PPP2R2A: variants seen among roughly 807,000 people sequenced by gnomAD.
PPP2R2A encodes protein phosphatase 2 regulatory subunit Balpha, also known as serine/threonine-protein phosphatase 2A 55 kDa regulatory subunit B alpha isoform.
Under a neutral mutation model 53.2 loss-of-function variants are expected in PPP2R2A, and 9 were observed. The observed-to-expected ratio is 0.17, with a 90% CI of 0.10 to 0.30. The LOEUF (loss-of-function observed/expected upper bound fraction) is 0.30, where lower values mean the gene tolerates loss of function less well. Ranked by LOEUF, PPP2R2A falls within the 10% of genes least tolerant of loss-of-function variation. PPP2R2A has a pLI of 1.00. For synonymous variants in PPP2R2A, 169 were observed against 174.2 expected, an observed-to-expected ratio of 0.97 and a Z score of 0.23; for missense variants, 235 against 534.6, an observed-to-expected ratio of 0.44 and a Z score of 5.53.
rs1312633466 is a variant in PPP2R2A at position 26,321,888 on chromosome 8, A to G, written c.83-17002A>G. On this transcript the variant is annotated intron_variant, in intron 2 of 9. Coordinates refer to ENST00000380737, the MANE Select transcript of PPP2R2A (RefSeq NM_002717.4). This position sits in a 1 kb window ranked among gnomAD's most constrained non-coding sequence, Gnocchi z 4.1. ...ACTTATATAGGAAGTAACAATGTCA[A>G]CATTTCCCCTCCTCGGTCTAAGATT... Among the ~76,000 whole-genome samples the G allele has an allele frequency of 6.6e-6, 1 of 152,250 alleles. No homozygotes were observed. Among genetic ancestry groups the G allele is most frequent in the Non-Finnish European group, 1.5e-5 (1 of 68,046 alleles).
chr8:26,318,565 A>G (rs376393973), intron 2 of PPP2R2A, among the ~76,000 whole-genome samples: 48 of 152,324 alleles, frequency 3.2e-4, no homozygotes, highest in African/African-American at 9.9e-4. Flanking sequence ...TCTTCTGCCT[A>G]CTTTTGTATA....
rs1236316152 is a variant in PPP2R2A, at chr8:26,338,805, GTT to G, written c.83-83_83-82del. 1.1e-6 allele frequency: 1 copy of G among 874,214 alleles called. No homozygotes were observed. The highest frequency in any genetic ancestry group is 1.7e-5 in the African/African-American group (1 of 59,186). The allele number at this position is 874,214 out of a possible 1,614,324, so 54.2% of individuals were successfully genotyped here. A position where few individuals can be genotyped will look rare whatever the true frequency, so the allele number is the denominator to read the frequency against. Reference sequence around the variant, plus strand: ...AAGATATACTTCATAGACTTGGAATGTTTGGGAAAACACGCTAAGTTCTGAAA... The same window carrying G: ...AAGATATACTTCATAGACTTGGAATGTGGGAAAACACGCTAAGTTCTGAAA... On this transcript the variant is annotated intron_variant, in intron 2 of 9. Coordinates refer to ENST00000380737, the MANE Select transcript of PPP2R2A (RefSeq NM_002717.4). The surrounding 1 kb of genome is among the most constrained non-coding windows in gnomAD (Gnocchi z 4.5).
intron 2 of PPP2R2A, among the ~76,000 whole-genome samples, chr8:26,335,054 A>G (rs1803585358): frequency 1.3e-5 from 2 of 152,294 alleles, no homozygotes; most frequent in South Asian, 4.1e-4. Flanking sequence ...GCTTACAACT[A>G]GGGCTTACCG....
At chr8:26,367,055 TTAA>T (rs1365972556) in intron 9 of PPP2R2A, among the ~76,000 whole-genome samples, 1 of 152,208 alleles carries the variant, frequency 6.6e-6, no homozygotes, top group Non-Finnish European at 1.5e-5. Flanking sequence ...AATTTTGGAA[TTAA>T]ACTGACATTT....
chr8:26,333,990 T>C (rs1262981173), intron 2 of PPP2R2A, among the ~76,000 whole-genome samples: 1 of 149,914 alleles, frequency 6.7e-6, no homozygotes, highest in African/African-American at 2.5e-5. Context: ...ATAGATAAAA[T>C]TTAAGAACAT....
At position 26,360,710 on chromosome 8, in the gene PPP2R2A, A is replaced by T; in HGVS notation, c.460-264A>T. 1 of 411,250 alleles carries T rather than the reference A, an allele frequency of 2.4e-6. No homozygotes were observed. Among genetic ancestry groups the T allele is most frequent in the Non-Finnish European group, 4.3e-6 (1 of 235,162 alleles). 25.5% of individuals were successfully genotyped at this position (411,250 alleles called of 1,614,324 possible). A position where few individuals can be genotyped will look rare whatever the true frequency, so the allele number is the denominator to read the frequency against. On this transcript the variant is annotated intron_variant, in intron 5 of 9. Transcript: ENST00000380737. The surrounding 1 kb of genome is among the most constrained non-coding windows in gnomAD (Gnocchi z 4.5). ...AACCATAAACATTTATTAGCTTGGC[A>T]TGTCTTTCAAGCAAAATATTGAAAC...
intron 2 of PPP2R2A, among the ~76,000 whole-genome samples, chr8:26,336,611 G>C (rs1025396040): frequency 1.3e-5 from 2 of 152,122 alleles, no homozygotes; most frequent in African/African-American, 4.8e-5. Flanking sequence ...GGGTATGGTA[G>C]CGCTTGCAAA....
At chr8:26,308,716 G>A (rs1016912144) in intron 2 of PPP2R2A, among the ~76,000 whole-genome samples, 1 of 152,094 alleles carries the variant, frequency 6.6e-6, no homozygotes, top group Non-Finnish European at 1.5e-5. Context: ...TCTTGTCAAT[G>A]TTGATATTTT....
chr8:26,300,754 G>A (rs1332605035), intron 2 of PPP2R2A, among the ~76,000 whole-genome samples: 2 of 152,196 alleles, frequency 1.3e-5, no homozygotes, highest in Admixed American at 6.5e-5. Context: ...CTCAGGCTGA[G>A]GCAGAAGAAT....
rs951293682 is a variant in PPP2R2A, at chr8:26,360,704, C to T, written c.460-270C>T. The T allele has an allele frequency of 2.5e-5, 10 of 398,588 alleles. No homozygotes were observed. The highest frequency in any genetic ancestry group is 8.9e-5 in the Admixed American group (2 of 22,452). The allele number at this position is 398,588 out of a possible 1,614,324, so 24.7% of individuals were successfully genotyped here. A position where few individuals can be genotyped will look rare whatever the true frequency, so the allele number is the denominator to read the frequency against. On this transcript the variant is annotated intron_variant, in intron 5 of 9. Transcript: ENST00000380737. This position sits in a 1 kb window ranked among gnomAD's most constrained non-coding sequence, Gnocchi z 4.5. ...AATCTGAACCATAAACATTTATTAG[C>T]TTGGCATGTCTTTCAAGCAAAATAT...
At chr8:26,364,278 A>G (rs1165885011) in intron 8 of PPP2R2A, among the ~76,000 whole-genome samples, 2 of 152,140 alleles carry the variant, frequency 1.3e-5, no homozygotes, top group Non-Finnish European at 2.9e-5. Flanking sequence ...GAGTAGTTGA[A>G]CTAGAGATTA....
rs752665490 is a variant in PPP2R2A, at chr8:26,360,213, C to G, written c.391C>G (p.Pro131Ala). 6.2e-6 allele frequency: 10 copies of G among 1,609,666 alleles called. No homozygotes were observed. The highest frequency in any genetic ancestry group is 8.5e-6 in the Non-Finnish European group (10 of 1,177,044). ...GAAAATCAGTGAAAGGGACAAAAGACCAGAAGGGTATAACTTGAAAGAGGA... is the reference window on the plus strand; with the variant it reads ...GAAAATCAGTGAAAGGGACAAAAGAGCAGAAGGGTATAACTTGAAAGAGGA... ...LWKISERDKR[P>A]EGYNLKEEDG... is the part of the protein sequence containing the mutation. The change falls in exon 5 of 10, where the codon CCA (proline) becomes GCA (alanine). Residue 131 changes from proline (P) to alanine (A), a missense_variant. Transcript: ENST00000380737. The surrounding 1 kb of genome is among the most constrained non-coding windows in gnomAD (Gnocchi z 4.5).
intron 2 of PPP2R2A, among the ~76,000 whole-genome samples, chr8:26,327,270 G>A (rs895399789): frequency 6.6e-6 from 1 of 152,186 alleles, no homozygotes; most frequent in African/African-American, 2.4e-5. Context: ...TCACATCAGC[G>A]AGAGGGAACA....
At chr8:26,355,609 A>C (rs1046397347) in intron 4 of PPP2R2A, among the ~76,000 whole-genome samples, 3 of 152,098 alleles carry the variant, frequency 2.0e-5, no homozygotes, top group African/African-American at 7.2e-5. Flanking sequence ...TCACGCCTGT[A>C]ATCCCAGCAC....
In PPP2R2A at chr8:26,304,271, G is replaced by GT. The variant is rs1319969919; in HGVS notation, c.82+10533dup. On this transcript the variant is annotated intron_variant, in intron 2 of 9. Transcript: ENST00000380737. The stretch of plus-strand genomic sequence containing the variant: ...ATACCAGACTTGACAGATTTAGTGT[G>GT]TTCCCATCTTTTTTTTTTTTCCTTT... Among the ~76,000 whole-genome samples the GT allele has an allele frequency of 6.2e-5, 9 of 144,542 alleles. 2 individuals are homozygous for GT. The highest frequency in any genetic ancestry group is 5.6e-4 in the Admixed American group (8 of 14,212). The allele number at this position is 144,542 out of a possible 152,430, so 94.8% of individuals were successfully genotyped here.
At chr8:26,307,378 G>T (rs1802068712) in intron 2 of PPP2R2A, among the ~76,000 whole-genome samples, 1 of 152,088 alleles carries the variant, frequency 6.6e-6, no homozygotes, top group African/African-American at 2.4e-5. Context: ...TAAAGTGATC[G>T]GTTCATTTTG....
At chr8:26,366,254 A>G in intron 8 of PPP2R2A, 61 bp from the exon 9 acceptor site, 1 of 1,353,600 alleles carries the variant, frequency 7.4e-7, no homozygotes, top group Non-Finnish European at 1.0e-6. Flanking sequence ...CTTTTTAAAG[A>G]TATGGACTTG....
rs553351597 is a variant in PPP2R2A, at chr8:26,326,250, C to G, written c.83-12640C>G. Among the ~76,000 whole-genome samples, 3 of 152,310 alleles carry G rather than the reference C, an allele frequency of 2.0e-5. No homozygotes were observed. The East Asian group carries it at 5.8e-4, about 29-fold the overall frequency. On this transcript the variant is annotated intron_variant, in intron 2 of 9. Transcript: ENST00000380737. ...CTGTGGAGTAACTCCAGGTTGGTCT[C>G]CAGTTTTCCCTTTGCTTAGGTTCCT...
At position 26,354,713 on chromosome 8, in the gene PPP2R2A, T is replaced by G. The variant is rs1416381992; in HGVS notation, c.346+80T>G. 4.1e-6 allele frequency: 5 copies of G among 1,233,142 alleles called. No homozygotes were observed. The highest frequency in any genetic ancestry group is 5.3e-6 in the Non-Finnish European group (5 of 942,698). The allele number at this position is 1,233,142 out of a possible 1,614,324, so 76.4% of individuals were successfully genotyped here. A position where few individuals can be genotyped will look rare whatever the true frequency, so the allele number is the denominator to read the frequency against. The stretch of plus-strand genomic sequence containing the variant: ...TCCTGTAGCCTAGGAGAGGAATCAT[T>G]TAACAGAGATACTTGTAAAAAGGAC... On this transcript the variant is annotated intron_variant, in intron 4 of 9. Coordinates refer to ENST00000380737, the MANE Select transcript of PPP2R2A (RefSeq NM_002717.4). This position sits in a 1 kb window ranked among gnomAD's most constrained non-coding sequence, Gnocchi z 4.6.
Sources: gnomAD v4.1 joint callset for allele counts (sites outside exome capture counted in the v4.1 genomes callset) on GRCh38, gnomAD v4.1.1 for gene constraint, Gnocchi (gnomAD v3.1) non-coding constraint, MANE v1.5 for transcripts, NCBI Gene and HGNC (gene_info 2026-07-23, HGNC 2026-07-21) for gene names.